The following DMXL2 variants were observed in gnomAD, a reference collection of about 807,000 sequenced individuals.
The protein encoded by DMXL2 is dmX-like protein 2.
Under a neutral mutation model 331.1 loss-of-function variants are expected in DMXL2, and 103 were observed. The observed-to-expected ratio is 0.31, with a 90% CI of 0.27 to 0.37. The LOEUF is 0.37. Ranked by LOEUF, DMXL2 falls within the 10% of genes least tolerant of loss-of-function variation. DMXL2 has a pLI of 1.00. For missense variants in DMXL2, 3,171 were observed against 3,642.9 expected (o/e 0.87, Z 3.33); for synonymous variants, 1,281 against 1,252.1 (o/e 1.02, Z -0.49).
rs755085230 is a variant in DMXL2, at chr15:51,480,715, T to C, written c.6391A>G (p.Arg2131Gly). 11 of 1,607,740 alleles carry C rather than the reference T, an allele frequency of 6.8e-6. No homozygotes were observed. The African/African-American group carries it at 1.2e-4, about 18-fold the overall frequency. The change falls in exon 24 of 44, where the codon AGA becomes GGA. Residue 2131 changes from arginine to glycine, a missense_variant. Around this residue, in one of 7 missense-constraint regions of DMXL2, gnomAD observed 197 missense variants for 196.2 expected, o/e 1.00. Coordinates refer to ENST00000560891, the MANE Select transcript of DMXL2 (RefSeq NM_001378457.1). Reference protein sequence around the residue: ...IGSYERHQIERRRLQAKREHA... With the variant: ...IGSYERHQIEGRRLQAKREHA... ...TCTCGTTTGGCCTGCAATCTTCTTC[T>C]TTCTATTTGATGGCGCTCATAGGAA...
intron 40 of DMXL2, 93 bp downstream of exon 40, chr15:51,455,058 A>G (rs1595878053): frequency 4.9e-6 from 5 of 1,025,630 alleles, no homozygotes; most frequent in Non-Finnish European, 6.1e-6. Context: ...CCTTTTCCCA[A>G]TAGGACCACC....
In DMXL2 at chr15:51,536,633, T is replaced by G. The variant is rs2048303740; in HGVS notation, c.1847A>C (p.His616Pro). 6.2e-7 allele frequency: 1 copy of G among 1,614,080 alleles called. No individual in the cohort carries two copies. Among genetic ancestry groups the G allele is most frequent in the Non-Finnish European group, 8.5e-7 (1 of 1,179,972 alleles). The change falls in exon 12 of 44, where the codon CAC becomes CCC. Residue 616 changes from histidine to proline, a missense_variant. By Grantham distance (77) the His-to-Pro change is moderately conservative (BLOSUM62 -2). This residue lies in a region of DMXL2 where 1,674 missense variants were observed against 1,780.2 expected (regional missense o/e 0.94). Transcript: ENST00000560891. The stretch of plus-strand genomic sequence containing the variant: ...CCACTGATTTAAAGAACCATCTATG[T>G]GTTTAGAGATCATCATTACTGTGGG... The part of the protein sequence containing the change: ...LAPTVMMISK[H>P]IDGSLNQWAV...
intron 5 of DMXL2, among the ~76,000 whole-genome samples, chr15:51,563,885 C>A (rs1028490539): frequency 2.6e-5 from 4 of 152,046 alleles, no homozygotes; most frequent in African/African-American, 9.7e-5. Context: ...ATGTATCAAC[C>A]CTGTCAACTC....
At chr15:51,482,201 T>A (rs2042064255) in intron 23 of DMXL2, among the ~76,000 whole-genome samples, 1 of 152,080 alleles carries the variant, frequency 6.6e-6, no homozygotes. Flanking sequence ...AGATGAACTC[T>A]AAAAAGTGAG....
At chr15:51,466,386 GTATTA>G (rs2040577057) in intron 29 of DMXL2, 75 bp from the exon 30 acceptor site, 14 of 442,830 alleles carry the variant, frequency 3.2e-5, no homozygotes, top group Non-Finnish European at 4.1e-5. Flanking sequence ...TATATAACAT[GTATTA>G]TATATTTAAT....
At chr15:51,552,917 C>G (rs2049311376) in intron 6 of DMXL2, among the ~76,000 whole-genome samples, 2 of 152,220 alleles carry the variant, frequency 1.3e-5, no homozygotes, top group Admixed American at 1.3e-4. Flanking sequence ...TTCTGTTGCT[C>G]TTTAACAAGC....
At chr15:51,488,680 G>T in intron 20 of DMXL2, 35 bp from the exon 21 acceptor site, 2 of 1,525,974 alleles carry the variant, frequency 1.3e-6, no homozygotes, top group South Asian at 2.3e-5. Flanking sequence ...TTCACAATTT[G>T]ACATAAGAAT....
chr15:51,521,963 C>T (rs1275663316), intron 13 of DMXL2, among the ~76,000 whole-genome samples: 1 of 152,148 alleles, frequency 6.6e-6, no homozygotes, highest in Non-Finnish European at 1.5e-5. Context: ...TTACTAATAG[C>T]AGCACACACT....
chr15:51,468,959 A>AG (rs2040846972), intron 29 of DMXL2, among the ~76,000 whole-genome samples: 2 of 149,288 alleles, frequency 1.3e-5, no homozygotes, highest in African/African-American at 4.9e-5. Context: ...AAGTTAAAAA[A>AG]AGAGAGAGAG....
intron 6 of DMXL2, among the ~76,000 whole-genome samples, chr15:51,559,821 C>G (rs1395410389): frequency 1.3e-5 from 2 of 152,284 alleles, no homozygotes; most frequent in South Asian, 4.1e-4. Flanking sequence ...TGGCTAGGAG[C>G]AACAGGAACT....
chr15:51,454,240 A>T (rs1330260023), intron 40 of DMXL2: 1 of 152,278 alleles, frequency 6.6e-6, no homozygotes, highest in Non-Finnish European at 1.5e-5. Flanking sequence ...TGGGTAATCT[A>T]TCTGGTCCCA....
intron 13 of DMXL2, among the ~76,000 whole-genome samples, chr15:51,522,630 G>T (rs1290597027): frequency 6.6e-6 from 1 of 152,188 alleles, no homozygotes; most frequent in Non-Finnish European, 1.5e-5. Context: ...GGCTGATAGA[G>T]CAAGACTCTG....
intron 1 of DMXL2, among the ~76,000 whole-genome samples, chr15:51,615,688 A>G (rs8037570): frequency 0.019 from 2,937 of 152,306 alleles, 95 homozygotes; most frequent in African/African-American, 0.066. Flanking sequence ...GATGGGAGTT[A>G]TTATGGGAAA....
At chr15:51,468,477 A>G (rs1040836815) in intron 29 of DMXL2, among the ~76,000 whole-genome samples, 4 of 152,238 alleles carry the variant, frequency 2.6e-5, no homozygotes, top group Non-Finnish European at 4.4e-5. Flanking sequence ...CTATAAGTTC[A>G]TAACAAAGCT....
At position 51,536,682 on chromosome 15, in the gene DMXL2, T is replaced by C. The variant is rs1278429339; in HGVS notation, c.1798A>G (p.Ser600Gly). 2.5e-6 allele frequency: 4 copies of C among 1,614,154 alleles called. No individual in the cohort carries two copies. Among genetic ancestry groups the C allele is most frequent in the East Asian group, 4.5e-5 (2 of 44,884 alleles). Residue 600 changes from serine (S) to glycine (G), a missense_variant, in exon 12 of 44, where the codon AGT becomes GGT. Around this residue, in one of 7 missense-constraint regions of DMXL2, gnomAD observed 1,674 missense variants for 1,780.2 expected, o/e 0.94. Transcript: ENST00000560891. ...HGSQPHSRSH[S>G]THMNILAPTV... ...GGAGCTAAGATGTTCATATGTGTAC[T>C]GTGGGATCTAGAGTGTGGCTGTGAT...
chr15:51,510,261 C>A (rs1226321527), intron 15 of DMXL2, among the ~76,000 whole-genome samples: 1 of 152,164 alleles, frequency 6.6e-6, no homozygotes, highest in Non-Finnish European at 1.5e-5. Flanking sequence ...GAGAGGAAGT[C>A]AAATTGTCTC....
intron 1 of DMXL2, among the ~76,000 whole-genome samples, chr15:51,618,650 G>A (rs2054440053): frequency 2.6e-5 from 4 of 152,128 alleles, no homozygotes. Context: ...TTCTAAGAGT[G>A]TCTGTTATTT....
Position 51,491,740 on chromosome 15 carries a change from A to G in DMXL2, c.4791T>C (p.Ser1597=), listed in dbSNP as rs375193472. The change falls in exon 20 of 44, where the codon TCT becomes TCC. Residue 1597 remains serine (S), a synonymous_variant. Coordinates refer to ENST00000560891, the MANE Select transcript of DMXL2 (RefSeq NM_001378457.1). ...GAAAAGCCCAGGCAAAATGGCATGT[A>G]GAGACACCTAAATTGGAAATATAAA... is the stretch of plus-strand genomic sequence containing the variant. ...YRVQLLHQGV[S]TCHFAWAFHS... is the part of the protein sequence containing the mutation. 6.3e-7 allele frequency: 1 copy of G among 1,593,422 alleles called. No individual in the cohort carries two copies.
At chr15:51,476,226 C>A (rs1018410858) in intron 27 of DMXL2, among the ~76,000 whole-genome samples, 2 of 152,034 alleles carry the variant, frequency 1.3e-5, no homozygotes, top group Non-Finnish European at 2.9e-5. Context: ...AATTTACACG[C>A]CCGAGAACAA....
Sources: gnomAD v4.1 joint callset for allele counts (sites outside exome capture counted in the v4.1 genomes callset) on GRCh38, gnomAD v4.1.1 for gene constraint, gnomAD v4.1.1 regional missense constraint, MANE v1.5 for transcripts, NCBI Gene and HGNC (gene_info 2026-07-23, HGNC 2026-07-21) for gene names.